Variants in DSCAM observed in about 807,000 individuals in gnomAD.
DSCAM encodes cell adhesion molecule DSCAM.
DSCAM carries 47 observed loss-of-function variants against 217.7 expected under a neutral mutation model. The observed-to-expected ratio is 0.22, with a 90% confidence interval of 0.17 to 0.28. The LOEUF (loss-of-function observed/expected upper bound fraction) is 0.28. DSCAM is among the 10% of genes least tolerant of loss of function. The pLI, the probability that DSCAM is intolerant of heterozygous loss-of-function variation, is 1.00. For synonymous variants in DSCAM, 1,056 were observed against 1,015.3 expected, an observed-to-expected ratio of 1.04 and a Z score of -0.76; for missense variants, 2,080 against 2,618.3, an observed-to-expected ratio of 0.79 and a Z score of 4.49.
At chr21:40,637,438 A>AATATATAAATATATATAAATATAAAT (rs2089800739) in intron 3 of DSCAM, among the ~76,000 whole-genome samples, 1 of 15,806 alleles carries the variant, frequency 6.3e-5, no homozygotes, top group Non-Finnish European at 9.8e-5. Context: ...TATAAATATA[A>AATATATAAATATATATAAATATAAAT]ATATATATAT....
chr21:40,178,941 G>A lies in DSCAM; in HGVS notation c.2933C>T (p.Thr978Met), dbSNP rs772874630. ...KSEPSNELTI[T>M]ADEAAPDGPP... ...GTCCCACGTACCTGCCTCGTCCGCCGTGATGGTGAGCTCGTTGCTGGGCTC... is the reference window on the plus strand; with the variant it reads ...GTCCCACGTACCTGCCTCGTCCGCCATGATGGTGAGCTCGTTGCTGGGCTC... Residue 978 changes from threonine (T) to methionine (M), a missense_variant, in exon 15 of 33, where the codon ACG (threonine) becomes ATG (methionine). Around this residue, in one of 5 missense-constraint regions of DSCAM, gnomAD observed 1,144 missense variants for 1,421.1 expected, o/e 0.81. Coordinates refer to ENST00000400454, the MANE Select transcript of DSCAM (RefSeq NM_001389.5). 14 of 1,613,724 alleles carry A rather than the reference G, an allele frequency of 8.7e-6. No individual in the cohort carries two copies. In the East Asian group the frequency reaches 8.9e-5, roughly 10 times the overall value.
At chr21:40,076,118 C>A (rs2089362201) in intron 26 of DSCAM, among the ~76,000 whole-genome samples, 1 of 152,120 alleles carries the variant, frequency 6.6e-6, no homozygotes, top group South Asian at 2.1e-4. Context: ...GCAAAACGGT[C>A]TTTATCCTGC....
chr21:40,627,668 C>G (rs749610401), intron 3 of DSCAM, among the ~76,000 whole-genome samples: 1 of 152,124 alleles, frequency 6.6e-6, no homozygotes, highest in Non-Finnish European at 1.5e-5. Context: ...GTAATTTAGC[C>G]AACACTTGCA....
intron 27 of DSCAM, among the ~76,000 whole-genome samples, chr21:40,071,066 G>A (rs929681562): frequency 5.9e-5 from 9 of 152,160 alleles, no homozygotes; most frequent in African/African-American, 2.2e-4. Flanking sequence ...GCCTTCTTGC[G>A]TAAATGCGTA....
chr21:40,521,982 T>C (rs2146089983), intron 3 of DSCAM, among the ~76,000 whole-genome samples: 1 of 152,278 alleles, frequency 6.6e-6, no homozygotes, highest in East Asian at 1.9e-4. Flanking sequence ...GGTACAATAA[T>C]TGTGTGTCAA....
chr21:40,765,792 G>A (rs1209458783), intron 1 of DSCAM, among the ~76,000 whole-genome samples: 1 of 152,226 alleles, frequency 6.6e-6, no homozygotes, highest in Non-Finnish European at 1.5e-5. Flanking sequence ...CTCATTGCAT[G>A]ATCAGCGATC....
intron 19 of DSCAM, among the ~76,000 whole-genome samples, chr21:40,125,119 T>C (rs1490855754): frequency 9.9e-5 from 15 of 152,156 alleles, no homozygotes; most frequent in Non-Finnish European, 2.2e-4. Flanking sequence ...GGTATGGAAA[T>C]ATTGTTGATG....
rs932993029 is a variant in DSCAM, at chr21:40,785,244, G to A, written c.43+61375C>T. ...GAAATCTCATTTGAGGACCTCCTCA[G>A]TTGATTGTCTATTATCCTCCAGGAG... On this transcript the variant is annotated intron_variant, in intron 1 of 32. Coordinates refer to ENST00000400454, the MANE Select transcript of DSCAM (RefSeq NM_001389.5). 6.6e-5 allele frequency among the ~76,000 whole-genome samples: 10 copies of A among 152,248 alleles called. 1 individual carries two copies. The highest frequency in any genetic ancestry group is 2.6e-4 in the Admixed American group (4 of 15,292).
chr21:40,444,710 C>G (rs141987343), intron 3 of DSCAM, among the ~76,000 whole-genome samples: 1 of 152,162 alleles, frequency 6.6e-6, no homozygotes, highest in Non-Finnish European at 1.5e-5. Flanking sequence ...AACACTGAGG[C>G]CCATGATGTT....
chr21:40,733,199 G>A lies in DSCAM; in HGVS notation c.44-24428C>T, dbSNP rs771781753. Among the ~76,000 whole-genome samples the A allele has an allele frequency of 7.9e-5, 12 of 152,316 alleles. No homozygotes were observed. The South Asian group carries it at 8.3e-4, about 11-fold the overall frequency. ...AACCCACTGGAGAGGCACTTACAGG[G>A]AGGCAGGCTGGAGACAAGTGCCAGG... On this transcript the variant is annotated intron_variant, in intron 1 of 32. Transcript: ENST00000400454.
intron 2 of DSCAM, among the ~76,000 whole-genome samples, chr21:40,698,494 G>A (rs542602058): frequency 1.3e-5 from 2 of 152,180 alleles, no homozygotes; most frequent in South Asian, 4.1e-4. Context: ...AACTGGGGGA[G>A]GGACTTGCTT....
rs140688497 is a variant in DSCAM at position 40,181,841 on chromosome 21, C to T, written c.2780-2747G>A. On this transcript the variant is annotated intron_variant, in intron 14 of 32. Transcript: ENST00000400454. ...GAAGACTGAGAGGGCTGTATAGGCT[C>T]GGAGTTGCAGCCTGGTTTAGGAAGA... Among the ~76,000 whole-genome samples, 556 of 152,036 alleles carry T rather than the reference C, an allele frequency of 3.7e-3. 3 individuals carry two copies. The highest frequency in any genetic ancestry group is 0.013 in the African/African-American group (536 of 41,482).
At chr21:40,650,840 G>C (rs1254262949) in intron 3 of DSCAM, among the ~76,000 whole-genome samples, 1 of 152,184 alleles carries the variant, frequency 6.6e-6, no homozygotes, top group Non-Finnish European at 1.5e-5. Flanking sequence ...GTTGAACCTG[G>C]GAGGCGGAGG....
At chr21:40,481,962 C>G (rs2075987022) in intron 3 of DSCAM, among the ~76,000 whole-genome samples, 1 of 152,216 alleles carries the variant, frequency 6.6e-6, no homozygotes, top group African/African-American at 2.4e-5. Context: ...TCCTGTCACC[C>G]ATAGAGGCGA....
chr21:40,025,921 ATG>A (rs1399496066), intron 32 of DSCAM, among the ~76,000 whole-genome samples: 4 of 149,436 alleles, frequency 2.7e-5, no homozygotes, highest in African/African-American at 7.5e-5. Context: ...TAGCTTTTGA[ATG>A]TGTTTGCTCT....
intron 3 of DSCAM, among the ~76,000 whole-genome samples, chr21:40,440,015 T>C (rs1414489356): frequency 6.6e-6 from 1 of 151,998 alleles, no homozygotes; most frequent in Non-Finnish European, 1.5e-5. Flanking sequence ...AGGATCAATG[T>C]CCTCAACAAT....
At chr21:40,733,455 A>T (rs1461159466) in intron 1 of DSCAM, among the ~76,000 whole-genome samples, 5 of 152,142 alleles carry the variant, frequency 3.3e-5, no homozygotes, top group Non-Finnish European at 7.3e-5. Flanking sequence ...GTCATGAGGG[A>T]GGGTTTGGGG....
intron 16 of DSCAM, among the ~76,000 whole-genome samples, chr21:40,166,375 T>C (rs1023577171): frequency 6.6e-6 from 1 of 152,320 alleles, no homozygotes; most frequent in Admixed American, 6.5e-5. Context: ...TTTGATTCGA[T>C]AATAACGTTC....
At chr21:40,704,239 C>T (rs1319551427) in intron 2 of DSCAM, among the ~76,000 whole-genome samples, 1 of 152,166 alleles carries the variant, frequency 6.6e-6, no homozygotes, top group Non-Finnish European at 1.5e-5. Context: ...TACTGTCTCT[C>T]TAGTTTATCT....
Sources: gnomAD v4.1 joint callset for allele counts (sites outside exome capture counted in the v4.1 genomes callset) on GRCh38, gnomAD v4.1.1 for gene constraint, gnomAD v4.1.1 regional missense constraint, MANE v1.5 for transcripts, NCBI Gene and HGNC (gene_info 2026-07-23, HGNC 2026-07-21) for gene names.